Variants in AGAP1 observed in about 807,000 individuals in gnomAD.
The protein encoded by AGAP1 is ArfGAP with GTPase domain, ankyrin repeat and PH domain 1, also known as arf-GAP with GTPase, ANK repeat and PH domain-containing protein 1.
In AGAP1, 29 loss-of-function variants were observed where a neutral mutation model predicts 105.3. The ratio of observed to expected loss-of-function variants is 0.28; its 90% CI spans 0.21 to 0.38. The LOEUF (loss-of-function observed/expected upper bound fraction) is 0.38, where lower values mean the gene tolerates loss of function less well. Ranked by LOEUF, AGAP1 falls within the 10% of genes least tolerant of loss-of-function variation. The pLI is 1.00. For synonymous variants in AGAP1, 509 were observed against 485.9 expected (o/e 1.05, Z -0.63); for missense variants, 998 against 1,165.1 (o/e 0.86, Z 2.09).
At chr2:236,052,223 G>A (rs191803320) in intron 16 of AGAP1, among the ~76,000 whole-genome samples, 10 of 152,312 alleles carry the variant, frequency 6.6e-5, no homozygotes, top group Admixed American at 3.3e-4. Flanking sequence ...GGGCCCAGCT[G>A]TTTTCCCAAG....
rs937039551 is a variant in AGAP1 at position 235,608,144 on chromosome 2, C to CAG, written c.164-101032_164-101031dup. The stretch of plus-strand genomic sequence containing the variant: ...TGCCCACTTTTCATTTTTGGCTTCA[C>CAG]AGAGTGATGCCTCTGGAGCATCCCC... On this transcript the variant is annotated intron_variant, in intron 1 of 17. Transcript: ENST00000304032. This position sits in a 1 kb window ranked among gnomAD's most constrained non-coding sequence, Gnocchi z 5.4. Among the ~76,000 whole-genome samples the CAG allele has an allele frequency of 1.3e-5, 2 of 151,874 alleles. No individual in the cohort carries two copies. Among genetic ancestry groups the CAG allele is most frequent in the African/African-American group, 4.8e-5 (2 of 41,382 alleles).
At chr2:235,727,625 C>T (rs1417133509) in intron 3 of AGAP1, among the ~76,000 whole-genome samples, 1 of 152,150 alleles carries the variant, frequency 6.6e-6, no homozygotes, top group Admixed American at 6.5e-5. Flanking sequence ...AATGTCAGCT[C>T]ACAAAATAAT....
At position 235,720,896 on chromosome 2, in the gene AGAP1, C is replaced by T. The variant is rs562436354; in HGVS notation, c.310+3252C>T. On this transcript the variant is annotated intron_variant, in intron 3 of 17. Transcript: ENST00000304032. The surrounding 1 kb of genome is among the most constrained non-coding windows in gnomAD (Gnocchi z 5.0). ...CTCAGATACATCAGATGCATTTTAGCTCCATCCCAGAGGGTAATATCTGCT... is the reference window on the plus strand; with the variant it reads ...CTCAGATACATCAGATGCATTTTAGTTCCATCCCAGAGGGTAATATCTGCT... 1.3e-5 allele frequency among the ~76,000 whole-genome samples: 2 copies of T among 152,282 alleles called. No individual in the cohort carries two copies. The highest frequency in any genetic ancestry group is 3.9e-4 in the East Asian group (2 of 5,184).
chr2:235,619,794 G>T (rs948523850), intron 1 of AGAP1, among the ~76,000 whole-genome samples: 9 of 152,226 alleles, frequency 5.9e-5, no homozygotes, highest in African/African-American at 2.2e-4. Context: ...AGCAGCTCAA[G>T]TGTCTACCTC....
Position 235,517,885 on chromosome 2 carries a change from A to G in AGAP1, c.163+23036A>G, listed in dbSNP as rs890972942. On this transcript the variant is annotated intron_variant, in intron 1 of 17. Coordinates refer to ENST00000304032, the MANE Select transcript of AGAP1 (RefSeq NM_001037131.3). This position sits in a 1 kb window ranked among gnomAD's most constrained non-coding sequence, Gnocchi z 4.1. ...CCGGGAAGTGTTGGAGTGAGCCAAG[A>G]TTGTGCCTCTGCACTCCAGCCTGGG... is the stretch of plus-strand genomic sequence containing the variant. 5.4e-5 allele frequency among the ~76,000 whole-genome samples: 8 copies of G among 147,562 alleles called. No homozygotes were observed. The highest frequency in any genetic ancestry group is 1.4e-4 in the Admixed American group (2 of 14,396).
In AGAP1 at chr2:235,901,032, G is replaced by GGATGT. The variant is rs1259826397; in HGVS notation, c.1156-7704_1156-7700dup. On this transcript the variant is annotated intron_variant, in intron 10 of 17. Transcript: ENST00000304032. The surrounding 1 kb of genome is among the most constrained non-coding windows in gnomAD (Gnocchi z 4.3). ...TCTTCTTGAGTTCTGTGATCTGAAGGGATGTGGCCAGAAGATTTTTCATAG... is the reference window on the plus strand; with the variant it reads ...TCTTCTTGAGTTCTGTGATCTGAAGGGATGTGATGTGGCCAGAAGATTTTTCATAG... Among the ~76,000 whole-genome samples the GGATGT allele has an allele frequency of 1.3e-5, 2 of 152,148 alleles. No individual in the cohort carries two copies. Among genetic ancestry groups the GGATGT allele is most frequent in the African/African-American group, 4.8e-5 (2 of 41,438 alleles).
chr2:235,755,375 A>G (rs1030679365), intron 6 of AGAP1, among the ~76,000 whole-genome samples: 13 of 152,354 alleles, frequency 8.5e-5, no homozygotes, highest in South Asian at 4.1e-4. Flanking sequence ...ATACATGAAC[A>G]TGAAGGATTA....
In AGAP1 at chr2:236,083,030, C is replaced by CTGTA. The variant is rs2058826645; in HGVS notation, c.2114+33750_2114+33753dup. 6.6e-6 allele frequency among the ~76,000 whole-genome samples: 1 copy of CTGTA among 152,052 alleles called. No individual in the cohort carries two copies. The highest frequency in any genetic ancestry group is 6.5e-5 in the Admixed American group (1 of 15,272). On this transcript the variant is annotated intron_variant, in intron 16 of 17. Coordinates refer to ENST00000304032, the MANE Select transcript of AGAP1 (RefSeq NM_001037131.3). The surrounding 1 kb of genome is among the most constrained non-coding windows in gnomAD (Gnocchi z 5.3). ...ATTAGGCAGGCGTGGTGGTGCACGC[C>CTGTA]TGTAATCCCAGCTACTTAGGAGGCT...
chr2:235,583,674 C>T (rs1038660597), intron 1 of AGAP1, among the ~76,000 whole-genome samples: 5 of 147,134 alleles, frequency 3.4e-5, no homozygotes, highest in Non-Finnish European at 5.9e-5. Context: ...GCCAGGAGTT[C>T]GAGACCAGTC....
intron 16 of AGAP1, among the ~76,000 whole-genome samples, chr2:236,110,782 CTTTG>C (rs796774553): frequency 2.0e-5 from 3 of 152,242 alleles, no homozygotes; most frequent in African/African-American, 7.2e-5. Context: ...GCAGAAAGGC[CTTTG>C]TTTATTATTG....
intron 9 of AGAP1, among the ~76,000 whole-genome samples, chr2:235,869,950 C>T (rs2049358294): frequency 6.6e-6 from 1 of 152,230 alleles, no homozygotes; most frequent in African/African-American, 2.4e-5. Flanking sequence ...GTTTCCAGGC[C>T]TCCTTCAGGC....
intron 1 of AGAP1, among the ~76,000 whole-genome samples, chr2:235,641,313 T>TTTCTC (rs1559308198): frequency 6.1e-5 from 9 of 148,488 alleles, no homozygotes; most frequent in Non-Finnish European, 1.0e-4. Context: ...CTCTCTCTCT[T>TTTCTC]TCTCTTTCTC....
rs866171752 is a variant in AGAP1, at chr2:235,906,427, G to A, written c.1156-2311G>A. Among the ~76,000 whole-genome samples the A allele has an allele frequency of 6.6e-5, 10 of 152,246 alleles. No individual in the cohort carries two copies. Among genetic ancestry groups the A allele is most frequent in the Middle Eastern group, 6.8e-3 (2 of 294 alleles). On this transcript the variant is annotated intron_variant, in intron 10 of 17. Transcript: ENST00000304032. This position sits in a 1 kb window ranked among gnomAD's most constrained non-coding sequence, Gnocchi z 5.3. ...TGCACCAAGACTTCCGTCCTCAGGG[G>A]TCACCAGGGACCCTGAAACATCTTG...
At chr2:236,103,516 C>CT (rs999033178) in intron 16 of AGAP1, among the ~76,000 whole-genome samples, 12 of 150,858 alleles carry the variant, frequency 8.0e-5, no homozygotes, top group Admixed American at 5.9e-4. Flanking sequence ...CTTTTCTTTT[C>CT]TTTTTTTTCT....
intron 6 of AGAP1, among the ~76,000 whole-genome samples, chr2:235,795,231 C>T (rs1464599477): frequency 6.6e-6 from 1 of 152,132 alleles, no homozygotes; most frequent in Non-Finnish European, 1.5e-5. Flanking sequence ...TCTTGGATGG[C>T]AGTTGTCATA....
At chr2:236,004,392 A>G (rs73999405) in intron 13 of AGAP1, among the ~76,000 whole-genome samples, 1 of 152,296 alleles carries the variant, frequency 6.6e-6, no homozygotes, top group African/African-American at 2.4e-5. Flanking sequence ...TTTTTTTCCC[A>G]GTGGGCCAAA....
rs910193141 is a variant in AGAP1, at chr2:235,716,010, C to T, written c.223-1547C>T. 1.3e-5 allele frequency among the ~76,000 whole-genome samples: 2 copies of T among 152,100 alleles called. No individual in the cohort carries two copies. Among genetic ancestry groups the T allele is most frequent in the Admixed American group, 6.6e-5 (1 of 15,266 alleles). On this transcript the variant is annotated intron_variant, in intron 2 of 17. Transcript: ENST00000304032. The surrounding 1 kb of genome is among the most constrained non-coding windows in gnomAD (Gnocchi z 4.0). The stretch of plus-strand genomic sequence containing the variant: ...AGTCCTGGTGGGAGCTAAGTAGGGG[C>T]GCCTGGAGCTGGGGTGGACGGCGGC...
chr2:235,843,022 C>T lies in AGAP1; in HGVS notation c.1050+35691C>T, dbSNP rs372555249. On this transcript the variant is annotated intron_variant, in intron 9 of 17. Transcript: ENST00000304032. The surrounding 1 kb of genome is among the most constrained non-coding windows in gnomAD (Gnocchi z 5.9). Reference sequence around the variant, plus strand: ...AGTTACAGGCGTTAGCTGCCGTGCCCGGCCCGTGTGAGATTTGATGTGAAG... The same window carrying T: ...AGTTACAGGCGTTAGCTGCCGTGCCTGGCCCGTGTGAGATTTGATGTGAAG... 3.9e-5 allele frequency among the ~76,000 whole-genome samples: 6 copies of T among 152,332 alleles called. No individual in the cohort carries two copies. Among genetic ancestry groups the T allele is most frequent in the Non-Finnish European group, 5.9e-5 (4 of 68,030 alleles).
At chr2:235,928,299 C>T (rs2052551260) in intron 11 of AGAP1, among the ~76,000 whole-genome samples, 2 of 152,170 alleles carry the variant, frequency 1.3e-5, no homozygotes, top group African/African-American at 4.8e-5. Flanking sequence ...AACGCACCTT[C>T]GATGGGTGGA....
Sources: gnomAD v4.1 joint callset for allele counts (sites outside exome capture counted in the v4.1 genomes callset) on GRCh38, gnomAD v4.1.1 for gene constraint, Gnocchi (gnomAD v3.1) non-coding constraint, MANE v1.5 for transcripts, NCBI Gene and HGNC (gene_info 2026-07-23, HGNC 2026-07-21) for gene names.